The following PLEKHA7 variants were observed in gnomAD, a reference collection of about 807,000 sequenced individuals.
PLEKHA7 encodes pleckstrin homology domain containing A7, also known as pleckstrin homology domain-containing family A member 7.
PLEKHA7 carries 104 observed loss-of-function variants against 170.0 expected under a neutral mutation model. The observed-to-expected ratio is 0.61, with a 90% CI of 0.52 to 0.72. The LOEUF is 0.72. Among genes scored for constraint, PLEKHA7 ranks in the 30% least tolerant of loss-of-function variants. PLEKHA7 has a pLI of 0.00. For synonymous variants in PLEKHA7, 648 were observed against 660.8 expected, an observed-to-expected ratio of 0.98 and a Z score of 0.30; for missense variants, 1,615 against 1,671.7, an observed-to-expected ratio of 0.97 and a Z score of 0.59.
intron 3 of PLEKHA7, among the ~76,000 whole-genome samples, chr11:17,009,459 A>G (rs1865197552): frequency 6.6e-6 from 1 of 152,198 alleles, no homozygotes; most frequent in South Asian, 2.1e-4. Flanking sequence ...GTTACAGAAC[A>G]GTTCCTAGCA....
At chr11:16,814,504 C>T (rs1438063297) in intron 12 of PLEKHA7, among the ~76,000 whole-genome samples, 2 of 152,186 alleles carry the variant, frequency 1.3e-5, no homozygotes, top group Non-Finnish European at 2.9e-5. Context: ...TCCTTCTGCT[C>T]AAGATACCCG....
Position 16,789,010 on chromosome 11 carries a change from G to T in PLEKHA7, c.3357+86C>A. Reference sequence around the variant, plus strand: ...GGTCAATGGACAGCTCTCTCACTGGGAGGTGTGATGTGCTTGTGTTTGGGG... The same window carrying T: ...GGTCAATGGACAGCTCTCTCACTGGTAGGTGTGATGTGCTTGTGTTTGGGG... On this transcript the variant is annotated intron_variant, in intron 23 of 26. Coordinates refer to ENST00000531066, the MANE Select transcript of PLEKHA7 (RefSeq NM_001329630.2). The surrounding 1 kb of genome is among the most constrained non-coding windows in gnomAD (Gnocchi z 4.6). The T allele has an allele frequency of 6.9e-7, 1 of 1,458,882 alleles. No homozygotes were observed. The highest frequency in any genetic ancestry group is 9.2e-7 in the Non-Finnish European group (1 of 1,081,112). The allele number at this position is 1,458,882 out of a possible 1,614,324, so 90.4% of individuals were successfully genotyped here.
At chr11:16,991,875 C>T (rs529538758) in intron 3 of PLEKHA7, among the ~76,000 whole-genome samples, 3 of 152,126 alleles carry the variant, frequency 2.0e-5, no homozygotes, top group African/African-American at 7.2e-5. Context: ...GTTGTCCAGG[C>T]GGCAGATGAC....
At chr11:16,866,491 C>A (rs1565040094) in intron 4 of PLEKHA7, among the ~76,000 whole-genome samples, 1 of 152,090 alleles carries the variant, frequency 6.6e-6, no homozygotes, top group Non-Finnish European at 1.5e-5. Context: ...ACTCGGGAGA[C>A]TGAGGCAGAA....
chr11:16,996,126 G>A (rs1482013892), intron 3 of PLEKHA7, among the ~76,000 whole-genome samples: 1 of 152,196 alleles, frequency 6.6e-6, no homozygotes, highest in Non-Finnish European at 1.5e-5. Flanking sequence ...ATGTTCTGGA[G>A]ACTAAGTAGT....
In PLEKHA7 at chr11:16,826,451, G is replaced by A; in HGVS notation, c.1012C>T (p.Gln338Ter). 1 of 1,614,232 alleles carries A rather than the reference G, an allele frequency of 6.2e-7. No homozygotes were observed. Among genetic ancestry groups the A allele is most frequent in the Non-Finnish European group, 8.5e-7 (1 of 1,180,052 alleles). ...CGGTACTGCTCTCCCTCCTGCTCCTGCCTCTCGAAGTTGACAATGTCATCA... is the reference window on the plus strand; with the variant it reads ...CGGTACTGCTCTCCCTCCTGCTCCTACCTCTCGAAGTTGACAATGTCATCA... ...GHDDIVNFER[Q>*]EQEGEQYRSQ... is the part of the protein sequence containing the mutation. The change falls in exon 10 of 27, where the codon CAG (glutamine) becomes TAG (stop). Residue 338 changes from glutamine (Q) to a stop codon, truncating the protein, a stop_gained. Coordinates refer to ENST00000531066, the MANE Select transcript of PLEKHA7 (RefSeq NM_001329630.2). LOFTEE classifies it high-confidence loss of function.
intron 4 of PLEKHA7, 54 bp from the exon 5 acceptor site, chr11:16,855,968 G>T: frequency 7.1e-7 from 1 of 1,412,836 alleles, no homozygotes; most frequent in Non-Finnish European, 1.0e-6. Context: ...AGAGTAGGAA[G>T]TGCAGTAAGA....
chr11:16,892,169 T>C (rs912951309), intron 3 of PLEKHA7, among the ~76,000 whole-genome samples: 3 of 152,186 alleles, frequency 2.0e-5, no homozygotes, highest in African/African-American at 7.2e-5. Flanking sequence ...CTTATGCTCC[T>C]CACGAGCTCT....
chr11:16,809,030 AAT>A lies in PLEKHA7; in HGVS notation c.2007+4081_2007+4082del, dbSNP rs527508266. Among the ~76,000 whole-genome samples the A allele has an allele frequency of 1.1e-3, 162 of 152,340 alleles. 3 individuals carry two copies. Among genetic ancestry groups the A allele is most frequent in the African/African-American group, 3.4e-3 (142 of 41,578 alleles). ...ATTGCTCAAGTTGCTGAGAGGATTCAATGAGATAAATGAACATCAAGTGCCCA... is the reference window on the plus strand; with the variant it reads ...ATTGCTCAAGTTGCTGAGAGGATTCAGAGATAAATGAACATCAAGTGCCCA... On this transcript the variant is annotated intron_variant, in intron 13 of 26. Coordinates refer to ENST00000531066, the MANE Select transcript of PLEKHA7 (RefSeq NM_001329630.2).
At chr11:16,935,413 C>T (rs1193775242) in intron 3 of PLEKHA7, among the ~76,000 whole-genome samples, 2 of 152,196 alleles carry the variant, frequency 1.3e-5, no homozygotes, top group Non-Finnish European at 1.5e-5. Context: ...CAGAGTGAGA[C>T]TCCGTCTCAA....
intron 4 of PLEKHA7, among the ~76,000 whole-genome samples, chr11:16,870,884 T>A (rs149089241): frequency 6.6e-6 from 1 of 152,086 alleles, no homozygotes; most frequent in Non-Finnish European, 1.5e-5. Context: ...TCATAGCACA[T>A]CCCTGTATCA....
chr11:16,975,482 GTCAGCTCTCCATATCCATGGGTT>G (rs1307267990), intron 3 of PLEKHA7, among the ~76,000 whole-genome samples: 5 of 152,108 alleles, frequency 3.3e-5, no homozygotes, highest in African/African-American at 1.2e-4. Context: ...CAAATACACA[GTCAGCTCTCCATATCCATGGGTT>G]CCATGTCAGA....
intron 3 of PLEKHA7, among the ~76,000 whole-genome samples, chr11:16,944,958 AC>A (rs1157590701): frequency 6.6e-6 from 1 of 152,132 alleles, no homozygotes; most frequent in Non-Finnish European, 1.5e-5. Context: ...AGAGGAGTTC[AC>A]TTTTTTTTCC....
intron 3 of PLEKHA7, among the ~76,000 whole-genome samples, chr11:16,877,809 T>C (rs1055066669): frequency 9.9e-5 from 15 of 152,142 alleles, no homozygotes; most frequent in Non-Finnish European, 1.9e-4. Flanking sequence ...CCACCTCACC[T>C]CTCTGAGGCT....
chr11:16,786,293 T>A lies in PLEKHA7; in HGVS notation c.3452A>T (p.Gln1151Leu). 1 of 1,536,162 alleles carries A rather than the reference T, an allele frequency of 6.5e-7. No homozygotes were observed. Among genetic ancestry groups the A allele is most frequent in the Non-Finnish European group, 8.7e-7 (1 of 1,146,908 alleles). Residue 1151 changes from glutamine (Q) to leucine (L), a missense_variant, in exon 24 of 27, where the codon CAG becomes CTG. Transcript: ENST00000531066. The stretch of plus-strand genomic sequence containing the variant: ...GTCCAACTCAGTGACAGGCATGGCC[T>A]GCACTTTCAACCAGCCATTCTCCTC... ...DKEENGWLKV[Q>L]AMPVTELDLE...
At chr11:16,987,943 C>T (rs1337707578) in intron 3 of PLEKHA7, among the ~76,000 whole-genome samples, 1 of 152,238 alleles carries the variant, frequency 6.6e-6, no homozygotes, top group African/African-American at 2.4e-5. Context: ...TGGCATGGCA[C>T]AGATCCTGGG....
intron 3 of PLEKHA7, among the ~76,000 whole-genome samples, chr11:16,988,663 G>T (rs1464046376): frequency 1.3e-5 from 2 of 151,844 alleles, no homozygotes; most frequent in Non-Finnish European, 2.9e-5. Context: ...GGCCAGGCTG[G>T]TCGAACTCCT....
chr11:16,868,951 T>A (rs368792790), intron 4 of PLEKHA7, among the ~76,000 whole-genome samples: 1 of 152,194 alleles, frequency 6.6e-6, no homozygotes, highest in East Asian at 1.9e-4. Flanking sequence ...CCTGCAGCTC[T>A]TATGGAAGTT....
intron 3 of PLEKHA7, among the ~76,000 whole-genome samples, chr11:16,876,928 TG>T (rs1476067851): frequency 2.0e-5 from 3 of 152,184 alleles, no homozygotes; most frequent in African/African-American, 7.2e-5. Context: ...AACAGAACAG[TG>T]GGGGTCGGAG....
Sources: allele counts gnomAD v4.1 joint callset (sites outside exome capture counted in the v4.1 genomes callset), GRCh38; gene constraint gnomAD v4.1.1; non-coding constraint Gnocchi (gnomAD v3.1); transcripts MANE v1.5; gene names NCBI Gene and HGNC (gene_info 2026-07-23, HGNC 2026-07-21).